PCDH15: variants seen among roughly 807,000 people sequenced by gnomAD.
PCDH15 encodes the protein protocadherin related 15.
Under a neutral mutation model 178.5 loss-of-function variants are expected in PCDH15, and 129 were observed. The ratio of observed to expected loss-of-function variants is 0.72; its 90% CI spans 0.63 to 0.84. The LOEUF (loss-of-function observed/expected upper bound fraction) is 0.84, where lower values mean the gene tolerates loss of function less well. Ranked by LOEUF, PCDH15 falls within the 40% of genes least tolerant of loss-of-function variation. PCDH15 has a pLI of 0.00. For missense variants in PCDH15, 2,230 were observed against 2,099.9 expected (o/e 1.06, Z -1.21); for synonymous variants, 800 against 732.0 (o/e 1.09, Z -1.50).
intron 1 of PCDH15, among the ~76,000 whole-genome samples, chr10:55,296,981 TA>T (rs1564980442): frequency 6.6e-6 from 1 of 152,110 alleles, no homozygotes; most frequent in Non-Finnish European, 1.5e-5. Flanking sequence ...ACTTTACTTT[TA>T]AAAAAAGTTT....
intron 16 of PCDH15, among the ~76,000 whole-genome samples, chr10:54,085,995 T>A (rs544298677): frequency 3.5e-4 from 54 of 152,266 alleles, no homozygotes; most frequent in African/African-American, 1.3e-3. Flanking sequence ...AAATAGCATA[T>A]ATTGAAGTGT....
chr10:54,886,196 T>TTTCTCTCTCTCTCTCTTCCCCTGCCCTC (rs1954355101), intron 3 of PCDH15, among the ~76,000 whole-genome samples: 1 of 152,092 alleles, frequency 6.6e-6, no homozygotes, highest in African/African-American at 2.4e-5. Context: ...ATGAGACATT[T>TTTCTCTCTCTCTCTCTTCCCCTGCCCTC]AATTTATAGT....
chr10:54,823,093 G>T lies in PCDH15; in HGVS notation c.-29+74357C>A, dbSNP rs185637444. 4.8e-3 allele frequency among the ~76,000 whole-genome samples: 726 copies of T among 152,060 alleles called. 9 individuals carry two copies. The highest frequency in any genetic ancestry group is 0.024 in the Middle Eastern group (7 of 294). ...GACGGGGTTTCACCATGTTGGCCAG[G>T]TTGGTCTCAAACTCCTGACCTTAAG... is the stretch of plus-strand genomic sequence containing the variant. On this transcript the variant is annotated intron_variant, in intron 3 of 5. Transcript: ENST00000458638.
chr10:55,478,772 CAAAT>C (rs370720905), intron 2 of PCDH15, among the ~76,000 whole-genome samples: 16 of 150,446 alleles, frequency 1.1e-4, no homozygotes, highest in African/African-American at 3.6e-4. Flanking sequence ...AGACAAGACT[CAAAT>C]AAATTCAGGC....
intron 3 of PCDH15, among the ~76,000 whole-genome samples, chr10:54,522,825 G>T (rs546512703): frequency 2.6e-4 from 39 of 152,308 alleles, no homozygotes; most frequent in African/African-American, 8.4e-4. Flanking sequence ...GGGAAGGAGA[G>T]AATTGCAAGC....
At chr10:55,026,687 G>C (rs541114510) in intron 2 of PCDH15, among the ~76,000 whole-genome samples, 1 of 151,932 alleles carries the variant, frequency 6.6e-6, no homozygotes, top group Non-Finnish European at 1.5e-5. Context: ...GCTTTAAAGA[G>C]AGAATGAGGG....
At chr10:54,992,457 A>AAAAGGGTGAAGTTG (rs1839525336) in intron 2 of PCDH15, among the ~76,000 whole-genome samples, 1 of 152,098 alleles carries the variant, frequency 6.6e-6, no homozygotes, top group African/African-American at 2.4e-5. Flanking sequence ...AATCCAGTGA[A>AAAAGGGTGAAGTTG]AAAGGGTGAA....
chr10:54,072,404 C>T (rs562130600), intron 17 of PCDH15, among the ~76,000 whole-genome samples: 3 of 152,172 alleles, frequency 2.0e-5, no homozygotes, highest in South Asian at 4.1e-4. Context: ...GAGTGGAGGT[C>T]CTTCCTACCA....
intron 8 of PCDH15, among the ~76,000 whole-genome samples, chr10:54,253,420 A>C (rs1254595048): frequency 2.6e-5 from 4 of 152,022 alleles, no homozygotes; most frequent in Non-Finnish European, 5.9e-5. Context: ...TGTAGACCCT[A>C]CATGTACATC....
At chr10:55,169,653 T>C (rs1839279866) in intron 1 of PCDH15, among the ~76,000 whole-genome samples, 1 of 152,152 alleles carries the variant, frequency 6.6e-6, no homozygotes, top group African/African-American at 2.4e-5. Flanking sequence ...AATTAAACAC[T>C]AGAGAACTAC....
intron 1 of PCDH15, among the ~76,000 whole-genome samples, chr10:55,290,842 GA>G (rs1421765978): frequency 3.3e-5 from 5 of 151,918 alleles, no homozygotes; most frequent in African/African-American, 4.8e-5. Context: ...TATGTTGAAA[GA>G]AAAAAAGATG....
intron 8 of PCDH15, among the ~76,000 whole-genome samples, chr10:54,282,034 T>G (rs1000606283): frequency 6.6e-6 from 1 of 152,116 alleles, no homozygotes; most frequent in Non-Finnish European, 1.5e-5. Context: ...GTTGACTTTG[T>G]GCTCTTTGAC....
chr10:54,190,078 A>G (rs967105680), intron 11 of PCDH15, among the ~76,000 whole-genome samples: 1 of 151,894 alleles, frequency 6.6e-6, no homozygotes, highest in South Asian at 2.1e-4. Flanking sequence ...TAAAATCTAC[A>G]CTGTGAATAC....
intron 2 of PCDH15, among the ~76,000 whole-genome samples, chr10:55,426,775 C>T (rs1464134220): frequency 6.6e-6 from 1 of 152,056 alleles, no homozygotes; most frequent in African/African-American, 2.4e-5. Flanking sequence ...GGAAAGGGAC[C>T]TGAAAAGGAG....
rs72798533 is a variant in PCDH15 at position 54,887,573 on chromosome 10, A to G, written c.-29+9877T>C. ...ATCATAAAAATATAAAACCAGGTCA[A>G]AAGAGTAATGCAAAGTATTTTTAAA... On this transcript the variant is annotated intron_variant, in intron 3 of 5. Transcript: ENST00000458638. 6.1e-3 allele frequency among the ~76,000 whole-genome samples: 936 copies of G among 152,238 alleles called. 6 individuals are homozygous for G. Among genetic ancestry groups the G allele is most frequent in the Non-Finnish European group, 9.6e-3 (656 of 67,982 alleles).
In PCDH15 at chr10:53,872,099, T is replaced by G. The variant is rs550792218; in HGVS notation, c.3502-5242A>C. ...GTACAGTACACACTCTACCCCTCCT[T>G]GTTGCCAAACATAATGAGGATGTTG... is the stretch of plus-strand genomic sequence containing the variant. On this transcript the variant is annotated intron_variant, in intron 26 of 37. Transcript: ENST00000644397. 1.1e-4 allele frequency among the ~76,000 whole-genome samples: 16 copies of G among 152,288 alleles called. No individual in the cohort carries two copies. In the East Asian group the frequency reaches 2.9e-3, roughly 28 times the overall value.
Position 54,731,564 on chromosome 10 carries a change from A to ATATATATATATG in PCDH15, c.-28-67275_-28-67274insCATATATATATA, listed in dbSNP as rs1491229343. 4.6e-3 allele frequency among the ~76,000 whole-genome samples: 201 copies of ATATATATATATG among 43,334 alleles called. 5 individuals carry two copies. Among genetic ancestry groups the ATATATATATATG allele is most frequent in the African/African-American group, 0.012 (132 of 11,110 alleles). 28.4% of individuals were successfully genotyped at this position (43,334 alleles called of 152,430 possible). On this transcript the variant is annotated intron_variant, in intron 1 of 37. Coordinates refer to ENST00000644397, the MANE Select transcript of PCDH15 (RefSeq NM_001384140.1). Reference sequence around the variant, plus strand: ...GAGATAGATATATATATATATATATACACACACACACACACACACACACAC... The same window carrying ATATATATATATG: ...GAGATAGATATATATATATATATATATATATATATATGCACACACACACACACACACACACAC...
intron 2 of PCDH15, among the ~76,000 whole-genome samples, chr10:54,972,505 A>C (rs1400226450): frequency 2.0e-5 from 3 of 150,950 alleles, no homozygotes; most frequent in African/African-American, 7.3e-5. Context: ...GCGTTATTGC[A>C]CTCCAGACTG....
chr10:53,924,249 T>G (rs1174818868), intron 25 of PCDH15, among the ~76,000 whole-genome samples: 1 of 151,820 alleles, frequency 6.6e-6, no homozygotes, highest in Non-Finnish European at 1.5e-5. Flanking sequence ...CCGGTGGGCA[T>G]GGGCTTGGTG....
Sources: allele counts gnomAD v4.1 joint callset (sites outside exome capture counted in the v4.1 genomes callset), GRCh38; gene constraint gnomAD v4.1.1; transcripts MANE v1.5; gene names NCBI Gene and HGNC (gene_info 2026-07-23, HGNC 2026-07-21).